KCNQ1: variants seen among roughly 807,000 people sequenced by gnomAD.
KCNQ1 encodes the protein potassium voltage-gated channel subfamily KQT member 1.
KCNQ1 carries 49 observed loss-of-function variants against 72.4 expected under a neutral mutation model. The ratio of observed to expected loss-of-function variants is 0.68; its 90% confidence interval spans 0.54 to 0.86. KCNQ1 has a LOEUF of 0.86. KCNQ1 is among the 40% of genes least tolerant of loss of function. The pLI is 0.00. For synonymous variants in KCNQ1, 450 were observed against 412.6 expected (o/e 1.09, Z -1.10); for missense variants, 790 against 945.1 (o/e 0.84, Z 2.15).
intron 1 of KCNQ1, among the ~76,000 whole-genome samples, chr11:2,470,713 G>T (rs4350348): frequency 4.6e-5 from 7 of 151,256 alleles, no homozygotes; most frequent in Non-Finnish European, 1.0e-4. Flanking sequence ...GTGGGGGGGG[G>T]GGTGCTTAGA....
rs1011913244 is a variant in KCNQ1, at chr11:2,488,437, T to G, written c.387-39491T>G. ...AAAGATTGAGAAGGATGGGAGTTTA[T>G]TCTTTAAATATTTGGTAGGATTCAT... On this transcript the variant is annotated intron_variant, in intron 1 of 15. Transcript: ENST00000155840. The surrounding 1 kb of genome is among the most constrained non-coding windows in gnomAD (Gnocchi z 5.1). Among the ~76,000 whole-genome samples the G allele has an allele frequency of 6.6e-6, 1 of 152,218 alleles. No homozygotes were observed. Among genetic ancestry groups the G allele is most frequent in the Non-Finnish European group, 1.5e-5 (1 of 68,026 alleles).
At chr11:2,821,991 G>A (rs543160370) in intron 15 of KCNQ1, among the ~76,000 whole-genome samples, 41 of 152,274 alleles carry the variant, frequency 2.7e-4, no homozygotes, top group African/African-American at 9.6e-4. Flanking sequence ...TTATCCAGGG[G>A]CCCCGAATGT....
chr11:2,583,962 C>G (rs537391665), intron 7 of KCNQ1, among the ~76,000 whole-genome samples: 1 of 152,036 alleles, frequency 6.6e-6, no homozygotes, highest in African/African-American at 2.4e-5. Context: ...GGTGATGTGT[C>G]TAGTTCACAA....
At chr11:2,576,954 G>C (rs1004068423) in intron 6 of KCNQ1, among the ~76,000 whole-genome samples, 1 of 152,214 alleles carries the variant, frequency 6.6e-6, no homozygotes, top group African/African-American at 2.4e-5. Context: ...CCTGGGGACA[G>C]AGGCAGAGTA....
chr11:2,830,937 G>T lies in KCNQ1; in HGVS notation c.1795-16830G>T, dbSNP rs995832093. 3.9e-5 allele frequency among the ~76,000 whole-genome samples: 6 copies of T among 152,212 alleles called. No homozygotes were observed. Among genetic ancestry groups the T allele is most frequent in the Admixed American group, 2.6e-4 (4 of 15,288 alleles). The stretch of plus-strand genomic sequence containing the variant: ...TTTGAAACCGCAAGGGTACCCTTGG[G>T]AGACCCCGTGCAGGTCTTGTCAAGG... On this transcript the variant is annotated intron_variant, in intron 15 of 15. Transcript: ENST00000155840. The surrounding 1 kb of genome is among the most constrained non-coding windows in gnomAD (Gnocchi z 7.7).
rs1408429289 is a variant in KCNQ1 at position 2,657,432 on chromosome 11, G to T, written c.1394-4529G>T. ...CAGAGTTCTTGCATATACTTAGTTA[G>T]ATAATTAATATTCTTTTGTGCTATT... is the stretch of plus-strand genomic sequence containing the variant. On this transcript the variant is annotated intron_variant, in intron 10 of 15. Coordinates refer to ENST00000155840, the MANE Select transcript of KCNQ1 (RefSeq NM_000218.3). The surrounding 1 kb of genome is among the most constrained non-coding windows in gnomAD (Gnocchi z 4.8). The T allele has an allele frequency of 2.5e-6, 1 of 398,388 alleles. No individual in the cohort carries two copies. Among genetic ancestry groups the T allele is most frequent in the Non-Finnish European group, 4.4e-6 (1 of 226,034 alleles). 24.7% of individuals were successfully genotyped at this position (398,388 alleles called of 1,614,324 possible).
chr11:2,690,297 T>C lies in KCNQ1; in HGVS notation c.1514+28216T>C. Reference sequence around the variant, plus strand: ...CACATATGTGTAGTGTCTTCCTCCCTGTAGGATTGTCACAAGGATTAAATG... The same window carrying C: ...CACATATGTGTAGTGTCTTCCTCCCCGTAGGATTGTCACAAGGATTAAATG... On this transcript the variant is annotated intron_variant, in intron 11 of 15. Transcript: ENST00000155840. This position sits in a 1 kb window ranked among gnomAD's most constrained non-coding sequence, Gnocchi z 5.1. 1 of 398,702 alleles carries C rather than the reference T, an allele frequency of 2.5e-6. No individual in the cohort carries two copies. Among genetic ancestry groups the C allele is most frequent in the East Asian group, 3.6e-5 (1 of 28,086 alleles). 24.7% of individuals were successfully genotyped at this position (398,702 alleles called of 1,614,324 possible). A position where few individuals can be genotyped will look rare whatever the true frequency, so the allele number is the denominator to read the frequency against.
At position 2,724,782 on chromosome 11, in the gene KCNQ1, C is replaced by A. The variant is rs1267435442; in HGVS notation, c.1515-44062C>A. 6.6e-6 allele frequency among the ~76,000 whole-genome samples: 1 copy of A among 152,194 alleles called. No homozygotes were observed. The highest frequency in any genetic ancestry group is 2.4e-5 in the African/African-American group (1 of 41,440). ...TTGGGGGAAGGGGCCAGTTCACCCA[C>A]AGAGGGTGGAGTCACTGGGCTGAAG... is the stretch of plus-strand genomic sequence containing the variant. On this transcript the variant is annotated intron_variant, in intron 11 of 15. Coordinates refer to ENST00000155840, the MANE Select transcript of KCNQ1 (RefSeq NM_000218.3). The surrounding 1 kb of genome is among the most constrained non-coding windows in gnomAD (Gnocchi z 6.8).
At chr11:2,502,521 ATG>A (rs1406337042) in intron 1 of KCNQ1, among the ~76,000 whole-genome samples, 24 of 152,354 alleles carry the variant, frequency 1.6e-4, no homozygotes, top group African/African-American at 5.8e-4. Context: ...TAATACACTG[ATG>A]CAAGAAATTG....
chr11:2,808,312 C>T lies in KCNQ1; in HGVS notation c.1794+30275C>T, dbSNP rs1273326046. Among the ~76,000 whole-genome samples the T allele has an allele frequency of 2.6e-5, 4 of 152,224 alleles. No individual in the cohort carries two copies. The highest frequency in any genetic ancestry group is 4.8e-5 in the African/African-American group (2 of 41,470). On this transcript the variant is annotated intron_variant, in intron 15 of 15. Coordinates refer to ENST00000155840, the MANE Select transcript of KCNQ1 (RefSeq NM_000218.3). This position sits in a 1 kb window ranked among gnomAD's most constrained non-coding sequence, Gnocchi z 6.0. The stretch of plus-strand genomic sequence containing the variant: ...GGTGTTACGGGGATGGGCTAGAACT[C>T]GGTCCTGGCATCACAGAGCTACCCC...
Position 2,772,902 on chromosome 11 carries a change from T to G in KCNQ1, c.1591-3058T>G, listed in dbSNP as rs1437184538. ...CAGATGGCTGGAGGTGCCCCATGCT[T>G]CAGCTTCACAGAGCTCTGTGGTCTG... On this transcript the variant is annotated intron_variant, in intron 12 of 15. Transcript: ENST00000155840. This position sits in a 1 kb window ranked among gnomAD's most constrained non-coding sequence, Gnocchi z 6.6. Among the ~76,000 whole-genome samples the G allele has an allele frequency of 1.3e-5, 2 of 152,170 alleles. No individual in the cohort carries two copies. The highest frequency in any genetic ancestry group is 1.3e-4 in the Admixed American group (2 of 15,284).
chr11:2,489,365 C>T (rs1293601338), intron 1 of KCNQ1, among the ~76,000 whole-genome samples: 6 of 152,168 alleles, frequency 3.9e-5, no homozygotes, highest in Non-Finnish European at 8.8e-5. Context: ...CCAGCCCTAG[C>T]CAGAGGGGAA....
rs1849226919 is a variant in KCNQ1 at position 2,624,308 on chromosome 11, T to C, written c.1393+35454T>C. The stretch of plus-strand genomic sequence containing the variant: ...TATGTTTTTAAGGTTCTTTATATAT[T>C]TTGGATGAGTCCTTTATCAGGTATA... On this transcript the variant is annotated intron_variant, in intron 10 of 15. Coordinates refer to ENST00000155840, the MANE Select transcript of KCNQ1 (RefSeq NM_000218.3). The surrounding 1 kb of genome is among the most constrained non-coding windows in gnomAD (Gnocchi z 4.9). 1.0e-5 allele frequency: 4 copies of C among 398,480 alleles called. No homozygotes were observed. The highest frequency in any genetic ancestry group is 1.8e-5 in the Non-Finnish European group (4 of 226,054). The allele number at this position is 398,480 out of a possible 1,614,324, so 24.7% of individuals were successfully genotyped here. A position where few individuals can be genotyped will look rare whatever the true frequency, so the allele number is the denominator to read the frequency against.
In KCNQ1 at chr11:2,559,507, AGGATGGTGTCCG is replaced by A. The variant is rs1243784223; in HGVS notation, c.478-11115_478-11104del. Among the ~76,000 whole-genome samples, 1 of 151,958 alleles carries A rather than the reference AGGATGGTGTCCG, an allele frequency of 6.6e-6. No homozygotes were observed. Among genetic ancestry groups the A allele is most frequent in the Non-Finnish European group, 1.5e-5 (1 of 67,954 alleles). ...GACACTGGGCCTCATGCCGCCTGTC[AGGATGGTGTCCG>A]GGATGTGGGGACCAGACGACAGCTG... On this transcript the variant is annotated intron_variant, in intron 2 of 15. Transcript: ENST00000155840. This position sits in a 1 kb window ranked among gnomAD's most constrained non-coding sequence, Gnocchi z 4.9.
chr11:2,660,041 T>C (rs931302769), intron 10 of KCNQ1: 1 of 398,358 alleles, frequency 2.5e-6, no homozygotes, highest in Admixed American at 4.4e-5. Context: ...GCTTTTAATT[T>C]TGATAAAGTC....
chr11:2,648,154 A>C (rs576677943), intron 10 of KCNQ1: 3 of 394,390 alleles, frequency 7.6e-6, no homozygotes, highest in Non-Finnish European at 1.3e-5. Flanking sequence ...ACAGTGAGCC[A>C]AGATCACACC....
chr11:2,667,311 A>G (rs751098453), intron 11 of KCNQ1: 9 of 398,458 alleles, frequency 2.3e-5, no homozygotes, highest in Non-Finnish European at 4.0e-5. Context: ...GTCTAGGTGG[A>G]TGGCCCAGAA....
rs1848131841 is a variant in KCNQ1, at chr11:2,559,765, C to G, written c.478-10863C>G. Among the ~76,000 whole-genome samples the G allele has an allele frequency of 6.6e-6, 1 of 152,126 alleles. No homozygotes were observed. Among genetic ancestry groups the G allele is most frequent in the South Asian group, 2.1e-4 (1 of 4,816 alleles). On this transcript the variant is annotated intron_variant, in intron 2 of 15. Coordinates refer to ENST00000155840, the MANE Select transcript of KCNQ1 (RefSeq NM_000218.3). This position sits in a 1 kb window ranked among gnomAD's most constrained non-coding sequence, Gnocchi z 4.9. ...ACAGAGCAGCTGGCCGATTGCAGCT[C>G]TGAAGGTCAGAGATGGCCGCCAGCT...
Position 2,678,702 on chromosome 11 carries a change from C to G in KCNQ1, c.1514+16621C>G, listed in dbSNP as rs1253151645. ...TGGCATGGCCTAAGATCTAAACACT[C>G]TTAAGATTTAAACACAGGATTAGCT... On this transcript the variant is annotated intron_variant, in intron 11 of 15. Coordinates refer to ENST00000155840, the MANE Select transcript of KCNQ1 (RefSeq NM_000218.3). This position sits in a 1 kb window ranked among gnomAD's most constrained non-coding sequence, Gnocchi z 4.9. 1 of 398,482 alleles carries G rather than the reference C, an allele frequency of 2.5e-6. No individual in the cohort carries two copies. The highest frequency in any genetic ancestry group is 2.1e-5 in the African/African-American group (1 of 48,622). The allele number at this position is 398,482 out of a possible 1,614,324, so 24.7% of individuals were successfully genotyped here.
Sources: gnomAD v4.1 joint callset for allele counts (sites outside exome capture counted in the v4.1 genomes callset) on GRCh38, gnomAD v4.1.1 for gene constraint, Gnocchi (gnomAD v3.1) non-coding constraint, MANE v1.5 for transcripts, NCBI Gene and HGNC (gene_info 2026-07-23, HGNC 2026-07-21) for gene names.